Variants in SLCO3A1 observed in about 807,000 individuals in gnomAD.
SLCO3A1 encodes solute carrier organic anion transporter family member 3A1.
SLCO3A1 carries 27 observed loss-of-function variants against 63.1 expected under a neutral mutation model. The ratio of observed to expected loss-of-function variants is 0.43; its 90% CI spans 0.32 to 0.59. The LOEUF (loss-of-function observed/expected upper bound fraction) is 0.59. SLCO3A1 is among the 20% of genes least tolerant of loss of function. SLCO3A1 has a pLI of 0.09. For missense variants in SLCO3A1, 773 were observed against 945.8 expected (o/e 0.82, Z 2.40); for synonymous variants, 473 against 409.9 (o/e 1.15, Z -1.86).
At position 91,863,594 on chromosome 15, in the gene SLCO3A1, C is replaced by A. The variant is rs1897098148; in HGVS notation, c.180+9506C>A. ...CATCCTCTTCTTGAAGCTATACATG[C>A]GTGGGGTGCACAGCACACCACACGG... On this transcript the variant is annotated intron_variant, in intron 1 of 9. Coordinates refer to ENST00000318445, the MANE Select transcript of SLCO3A1 (RefSeq NM_013272.4). The surrounding 1 kb of genome is among the most constrained non-coding windows in gnomAD (Gnocchi z 4.3). Among the ~76,000 whole-genome samples, 1 of 152,078 alleles carries A rather than the reference C, an allele frequency of 6.6e-6. No individual in the cohort carries two copies. The highest frequency in any genetic ancestry group is 2.4e-5 in the African/African-American group (1 of 41,446).
At chr15:91,908,117 G>A (rs1449108672) in intron 1 of SLCO3A1, among the ~76,000 whole-genome samples, 4 of 152,138 alleles carry the variant, frequency 2.6e-5, no homozygotes, top group African/African-American at 9.7e-5. Flanking sequence ...AGAAGGGAAA[G>A]GAGAGTTGCA....
Position 92,074,523 on chromosome 15 carries a change from C to T in SLCO3A1, c.647-20358C>T, listed in dbSNP as rs189177063. 8.5e-5 allele frequency among the ~76,000 whole-genome samples: 13 copies of T among 152,292 alleles called. No individual in the cohort carries two copies. In the East Asian group the frequency reaches 1.9e-3, roughly 23 times the overall value. On this transcript the variant is annotated intron_variant, in intron 2 of 9. Transcript: ENST00000318445. ...TCACCAGGTGATCTGCCCAGGTGAA[C>T]GTGGTATGCCCTGAAGGTCTGCTAT...
At position 91,916,418 on chromosome 15, in the gene SLCO3A1, C is replaced by T. The variant is rs770516493; in HGVS notation, c.606C>T (p.Ile202=). The T allele has an allele frequency of 8.1e-6, 13 of 1,612,452 alleles. No homozygotes were observed. The highest frequency in any genetic ancestry group is 1.6e-4 in the Middle Eastern group (1 of 6,074). ...TPVQPLGVSY[I]DDHVRRKDSS... The stretch of plus-strand genomic sequence containing the variant: ...TGCAGCCCCTGGGCGTCTCCTACAT[C>T]GACGACCACGTGCGGAGGAAGGACT... The change falls in exon 2 of 10, where the codon ATC becomes ATT. Residue 202 remains isoleucine (I), a synonymous_variant. Transcript: ENST00000318445. The surrounding 1 kb of genome is among the most constrained non-coding windows in gnomAD (Gnocchi z 6.2).
intron 2 of SLCO3A1, among the ~76,000 whole-genome samples, chr15:92,008,306 C>G (rs2046333941): frequency 1.3e-5 from 2 of 152,210 alleles, no homozygotes. Context: ...GTAACACAGA[C>G]TGGGGTTCGT....
At chr15:92,110,271 G>A (rs550526365) in intron 4 of SLCO3A1, among the ~76,000 whole-genome samples, 1 of 152,240 alleles carries the variant, frequency 6.6e-6, no homozygotes, top group Admixed American at 6.5e-5. Flanking sequence ...GATCTCTGTT[G>A]ATCTGAGAGT....
intron 2 of SLCO3A1, among the ~76,000 whole-genome samples, chr15:92,079,088 C>T (rs2047312428): frequency 6.6e-6 from 1 of 152,224 alleles, no homozygotes; most frequent in African/African-American, 2.4e-5. Context: ...CAGGTCAGAG[C>T]TCCCTGGCAG....
At chr15:91,878,320 C>G (rs1897456264) in intron 1 of SLCO3A1, among the ~76,000 whole-genome samples, 1 of 151,952 alleles carries the variant, frequency 6.6e-6, no homozygotes, top group Non-Finnish European at 1.5e-5. Flanking sequence ...CCTCAGGTGA[C>G]CCGCCCACCT....
intron 1 of SLCO3A1, among the ~76,000 whole-genome samples, chr15:91,898,968 T>A (rs188969151): frequency 1.2e-4 from 19 of 152,276 alleles, no homozygotes; most frequent in African/African-American, 4.1e-4. Flanking sequence ...TCTTTAGTTC[T>A]GTCTTTGGGA....
rs753711106 is a variant in SLCO3A1 at position 92,154,755 on chromosome 15, C to T, written c.1753+3741C>T. The stretch of plus-strand genomic sequence containing the variant: ...AGTGGGGCTCTGGGAGTGGCCCCAG[C>T]ACCCTGGAGTAGAAGCAGGAGTGTG... On this transcript the variant is annotated intron_variant, in intron 9 of 9. Transcript: ENST00000318445. Among the ~76,000 whole-genome samples, 42 of 151,906 alleles carry T rather than the reference C, an allele frequency of 2.8e-4. 1 individual carries two copies. Among genetic ancestry groups the T allele is most frequent in the Admixed American group, 3.3e-4 (5 of 15,260 alleles).
chr15:91,928,432 C>T (rs559405740), intron 2 of SLCO3A1, among the ~76,000 whole-genome samples: 85 of 152,238 alleles, frequency 5.6e-4, no homozygotes, highest in African/African-American at 1.9e-3. Flanking sequence ...AGTGGCACGG[C>T]CCAAGCTACA....
chr15:92,155,901 A>G (rs2048364970), intron 9 of SLCO3A1, among the ~76,000 whole-genome samples: 1 of 152,086 alleles, frequency 6.6e-6, no homozygotes, highest in Non-Finnish European at 1.5e-5. Flanking sequence ...CTTCCACAAT[A>G]CCACTACAAA....
intron 1 of SLCO3A1, among the ~76,000 whole-genome samples, chr15:91,879,076 T>G (rs1897482334): frequency 6.6e-6 from 1 of 152,222 alleles, no homozygotes; most frequent in African/African-American, 2.4e-5. Flanking sequence ...GAACACACAC[T>G]TCTACCCACA....
intron 2 of SLCO3A1, among the ~76,000 whole-genome samples, chr15:92,000,891 G>T (rs572983535): frequency 6.6e-6 from 1 of 152,280 alleles, no homozygotes; most frequent in Admixed American, 6.5e-5. Context: ...AACTTGGGAT[G>T]CTCTGTCTCC....
At chr15:92,161,598 G>A (rs1244780044) in intron 9 of SLCO3A1, 2 of 152,214 alleles carry the variant, frequency 1.3e-5, no homozygotes, top group Admixed American at 6.5e-5. Flanking sequence ...GAAGTTGTCA[G>A]TATATATGCA....
chr15:92,063,389 A>G (rs1315840746), intron 2 of SLCO3A1, among the ~76,000 whole-genome samples: 3 of 152,158 alleles, frequency 2.0e-5, no homozygotes, highest in Non-Finnish European at 4.4e-5. Context: ...TGCAAATCCC[A>G]GCTCTGCCAC....
intron 2 of SLCO3A1, among the ~76,000 whole-genome samples, chr15:91,960,975 G>A (rs1030360889): frequency 2.0e-5 from 3 of 152,048 alleles, no homozygotes; most frequent in Non-Finnish European, 2.9e-5. Flanking sequence ...CTGATGTTCC[G>A]GATGCCTCTG....
At chr15:91,867,084 C>T (rs1597070826) in intron 1 of SLCO3A1, among the ~76,000 whole-genome samples, 1 of 152,172 alleles carries the variant, frequency 6.6e-6, no homozygotes, top group Non-Finnish European at 1.5e-5. Context: ...CGGGCTGGGG[C>T]ATGTCAGGGC....
At chr15:91,965,141 A>T (rs1900611224) in intron 2 of SLCO3A1, among the ~76,000 whole-genome samples, 1 of 152,110 alleles carries the variant, frequency 6.6e-6, no homozygotes, top group Non-Finnish European at 1.5e-5. Flanking sequence ...GAAGGGGAAG[A>T]GGTATACATT....
Position 92,171,831 on chromosome 15 carries a change from C to A in SLCO3A1, c.2048C>A (p.Ser683Ter), listed in dbSNP as rs1425006984. 6.4e-7 allele frequency: 1 copy of A among 1,551,592 alleles called. No individual in the cohort carries two copies. The highest frequency in any genetic ancestry group is 8.7e-7 in the Non-Finnish European group (1 of 1,146,894). ...GAGAAAACCTGCCCCGAATCACATTCACCTTCAGAAGACTCCTTTGTGAGA... is the reference window on the plus strand; with the variant it reads ...GAGAAAACCTGCCCCGAATCACATTAACCTTCAGAAGACTCCTTTGTGAGA... Residue 683 changes from serine (S) to a stop codon, truncating the protein, a stop_gained, in exon 11 of 11, where the codon TCA becomes TAA. Coordinates refer to the SLCO3A1 transcript ENST00000424469. LOFTEE classifies it high-confidence loss of function.
Sources: gnomAD v4.1 joint callset for allele counts (sites outside exome capture counted in the v4.1 genomes callset) on GRCh38, gnomAD v4.1.1 for gene constraint, Gnocchi (gnomAD v3.1) non-coding constraint, MANE v1.5 for transcripts, NCBI Gene and HGNC (gene_info 2026-07-23, HGNC 2026-07-21) for gene names.